PCSK2: variants seen among roughly 807,000 people sequenced by gnomAD.
The protein encoded by PCSK2 is proprotein convertase subtilisin/kexin type 2.
PCSK2 carries 14 observed loss-of-function variants against 69.7 expected under a neutral mutation model. The observed-to-expected ratio is 0.20, with a 90% CI of 0.13 to 0.31. The LOEUF is 0.31. PCSK2 is among the 10% of genes least tolerant of loss of function. The probability of loss-of-function intolerance (pLI) is 1.00; values close to 1 mark genes in which losing one functional copy is unlikely to be tolerated. For missense variants in PCSK2, 544 were observed against 842.5 expected, an observed-to-expected ratio of 0.65 and a Z score of 4.39; for synonymous variants, 307 against 320.7, an observed-to-expected ratio of 0.96 and a Z score of 0.46.
chr20:17,380,694 G>T (rs2031063166), intron 5 of PCSK2, among the ~76,000 whole-genome samples: 2 of 152,168 alleles, frequency 1.3e-5, no homozygotes, highest in Non-Finnish European at 1.5e-5. Flanking sequence ...TGCACAGCTA[G>T]AATTCAGCAG....
chr20:17,229,862 G>A (rs969988384), intron 1 of PCSK2, among the ~76,000 whole-genome samples: 1 of 152,094 alleles, frequency 6.6e-6, no homozygotes, highest in Non-Finnish European at 1.5e-5. Flanking sequence ...ATTTTTATGC[G>A]ACTGATAGGC....
intron 7 of PCSK2, 84 bp from the exon 8 acceptor site, chr20:17,436,624 C>G: frequency 8.3e-7 from 1 of 1,206,326 alleles, no homozygotes; most frequent in South Asian, 1.4e-5. Flanking sequence ...TCCAAGTACC[C>G]AGGGCCCAAG....
chr20:17,244,612 A>T (rs1007707601), intron 1 of PCSK2, among the ~76,000 whole-genome samples: 5 of 152,150 alleles, frequency 3.3e-5, no homozygotes, highest in Admixed American at 2.0e-4. Context: ...TTACTTCTGG[A>T]TACAGTTTTC....
chr20:17,481,544 C>T lies in PCSK2; in HGVS notation c.1431-40C>T, dbSNP rs572832062. ...CTCAAAATCCCTTGTAAGGTGCACC[C>T]ACCACTGCTTATCCTATCTCCTCTT... On this transcript the variant is annotated intron_variant, in intron 11 of 11. Coordinates refer to ENST00000262545, the MANE Select transcript of PCSK2 (RefSeq NM_002594.5). 3.1e-6 allele frequency: 5 copies of T among 1,589,716 alleles called. No homozygotes were observed. In the African/African-American group the frequency reaches 4.0e-5, roughly 13 times the overall value.
intron 2 of PCSK2, among the ~76,000 whole-genome samples, chr20:17,354,447 A>G (rs923014801): frequency 1.3e-5 from 2 of 152,224 alleles, no homozygotes; most frequent in African/African-American, 4.8e-5. Flanking sequence ...GTGACCTTTT[A>G]GTAATAATGT....
intron 2 of PCSK2, among the ~76,000 whole-genome samples, chr20:17,300,571 A>G (rs138909646): frequency 4.5e-4 from 69 of 152,344 alleles, no homozygotes; most frequent in African/African-American, 1.6e-3. Context: ...TGACATTGAC[A>G]TCTGTGTCCA....
intron 8 of PCSK2, among the ~76,000 whole-genome samples, chr20:17,447,110 G>T (rs2300927): frequency 0.66 from 100,019 of 150,908 alleles, 33,475 homozygotes; most frequent in African/African-American, 0.75. Flanking sequence ...AATAAATAAA[G>T]AAAAATAAAA....
intron 5 of PCSK2, among the ~76,000 whole-genome samples, chr20:17,375,667 T>C (rs2030903277): frequency 6.6e-6 from 1 of 152,172 alleles, no homozygotes; most frequent in African/African-American, 2.4e-5. Context: ...CATCAACTCC[T>C]GTTCTGATGG....
intron 2 of PCSK2, among the ~76,000 whole-genome samples, chr20:17,320,164 T>G (rs1049933229): frequency 6.6e-6 from 1 of 152,176 alleles, no homozygotes; most frequent in Non-Finnish European, 1.5e-5. Flanking sequence ...CAAACTTCAA[T>G]GTGCACATGA....
intron 5 of PCSK2, among the ~76,000 whole-genome samples, chr20:17,401,876 G>C (rs1425777877): frequency 2.6e-5 from 4 of 152,282 alleles, no homozygotes. Context: ...CCAAGTTTTA[G>C]AGCCTATCTT....
intron 10 of PCSK2, among the ~76,000 whole-genome samples, chr20:17,462,232 T>C (rs1363645665): frequency 6.6e-6 from 1 of 152,108 alleles, no homozygotes; most frequent in East Asian, 1.9e-4. Flanking sequence ...TACTAAATGT[T>C]TGGAGGAATC....
At chr20:17,293,224 G>A (rs1479525900) in intron 2 of PCSK2, among the ~76,000 whole-genome samples, 1 of 152,030 alleles carries the variant, frequency 6.6e-6, no homozygotes, top group African/African-American at 2.4e-5. Flanking sequence ...ATTAATTAAG[G>A]CACCTATAAA....
At chr20:17,258,308 A>ACCC (rs1456102079) in intron 1 of PCSK2, among the ~76,000 whole-genome samples, 2 of 152,188 alleles carry the variant, frequency 1.3e-5, no homozygotes, top group Non-Finnish European at 2.9e-5. Context: ...TTGAATAAAC[A>ACCC]CCCTTCGGGT....
chr20:17,363,567 G>A (rs1418814225), intron 4 of PCSK2, among the ~76,000 whole-genome samples: 1 of 152,174 alleles, frequency 6.6e-6, no homozygotes, highest in East Asian at 1.9e-4. Flanking sequence ...ATACAGGGAT[G>A]GACAAGAGTC....
At chr20:17,249,933 T>C (rs1227512999) in intron 1 of PCSK2, among the ~76,000 whole-genome samples, 1 of 152,196 alleles carries the variant, frequency 6.6e-6, no homozygotes, top group Non-Finnish European at 1.5e-5. Flanking sequence ...AGTTGCATAA[T>C]GTGAGTGTAC....
intron 6 of PCSK2, among the ~76,000 whole-genome samples, chr20:17,427,684 A>G: frequency 6.6e-6 from 1 of 152,236 alleles, no homozygotes; most frequent in East Asian, 1.9e-4. Flanking sequence ...GATCTGGACC[A>G]GGCTAGGCTT....
intron 1 of PCSK2, among the ~76,000 whole-genome samples, chr20:17,230,825 T>C: frequency 6.6e-6 from 1 of 152,332 alleles, no homozygotes; most frequent in East Asian, 1.9e-4. Flanking sequence ...ACATTTGTTT[T>C]CTCTCTAAAA....
chr20:17,406,586 G>A (rs2031755832), intron 5 of PCSK2, among the ~76,000 whole-genome samples: 1 of 152,160 alleles, frequency 6.6e-6, no homozygotes, highest in Admixed American at 6.5e-5. Flanking sequence ...GAACTCTCCA[G>A]GTCCTGCTTC....
At chr20:17,450,639 GTCT>G (rs2032805002) in intron 8 of PCSK2, among the ~76,000 whole-genome samples, 1 of 152,194 alleles carries the variant, frequency 6.6e-6, no homozygotes, top group African/African-American at 2.4e-5. Flanking sequence ...CAGGTTCAGT[GTCT>G]TGCAAAGGCT....
Sources: allele counts gnomAD v4.1 joint callset (sites outside exome capture counted in the v4.1 genomes callset), GRCh38; gene constraint gnomAD v4.1.1; transcripts MANE v1.5; gene names NCBI Gene and HGNC (gene_info 2026-07-23, HGNC 2026-07-21).